The following REEP1 variants were observed in gnomAD, a reference collection of about 807,000 sequenced individuals.
REEP1 encodes receptor accessory protein 1.
In REEP1, 22 loss-of-function variants were observed where a neutral mutation model predicts 40.3. That is an observed-to-expected ratio of 0.55 (90% CI 0.39 to 0.78). The LOEUF is 0.78. Ranked by LOEUF, REEP1 falls within the 30% of genes least tolerant of loss-of-function variation. REEP1 has a pLI of 0.00. For missense variants in REEP1, 280 were observed against 361.1 expected, an observed-to-expected ratio of 0.78 and a Z score of 1.82; for synonymous variants, 116 against 139.2, an observed-to-expected ratio of 0.83 and a Z score of 1.17.
chr2:86,320,590 T>G (rs1230328109), intron 1 of REEP1, among the ~76,000 whole-genome samples: 2 of 152,150 alleles, frequency 1.3e-5, no homozygotes, highest in Non-Finnish European at 2.9e-5. Flanking sequence ...AACATAAATA[T>G]GTTTAATATG....
At chr2:86,256,974 ACGC>A (rs1322228843) in intron 3 of REEP1, among the ~76,000 whole-genome samples, 2 of 151,958 alleles carry the variant, frequency 1.3e-5, no homozygotes, top group African/African-American at 4.8e-5. Context: ...AGCCTTACCC[ACGC>A]CTCCTTTCCT....
Position 86,311,035 on chromosome 2 carries a change from C to G in REEP1, c.32+26444G>C, listed in dbSNP as rs530263153. 1.4e-4 allele frequency among the ~76,000 whole-genome samples: 21 copies of G among 152,218 alleles called. No homozygotes were observed. The South Asian group carries it at 1.7e-3, about 12-fold the overall frequency. ...CTAGGGAAGAAAAAGTAGATAGATACAGCTAAGGGAGGGAGGAGAGATGGC... is the reference window on the plus strand; with the variant it reads ...CTAGGGAAGAAAAAGTAGATAGATAGAGCTAAGGGAGGGAGGAGAGATGGC... On this transcript the variant is annotated intron_variant, in intron 1 of 8. Coordinates refer to ENST00000538924, the MANE Select transcript of REEP1 (RefSeq NM_001371279.1).
chr2:86,262,513 G>T (rs1676922546), intron 3 of REEP1, among the ~76,000 whole-genome samples: 1 of 152,260 alleles, frequency 6.6e-6, no homozygotes, highest in African/African-American at 2.4e-5. Flanking sequence ...TCTCTCAGTG[G>T]AGGTGAAAGC....
chr2:86,244,300 A>T (rs930417439), intron 5 of REEP1, among the ~76,000 whole-genome samples: 1 of 152,084 alleles, frequency 6.6e-6, no homozygotes, highest in African/African-American at 2.4e-5. Context: ...AGATAAGGAT[A>T]TGTGGGAGAG....
chr2:86,295,507 A>G (rs1307413675), intron 1 of REEP1, among the ~76,000 whole-genome samples: 1 of 152,236 alleles, frequency 6.6e-6, no homozygotes, highest in African/African-American at 2.4e-5. Flanking sequence ...AAGTTAAAAT[A>G]TAACAAACAG....
At chr2:86,311,854 C>T (rs1028131620) in intron 1 of REEP1, among the ~76,000 whole-genome samples, 6 of 152,184 alleles carry the variant, frequency 3.9e-5, no homozygotes, top group Non-Finnish European at 8.8e-5. Context: ...AGATCCCGTT[C>T]TACCATCCTG....
intron 2 of REEP1, among the ~76,000 whole-genome samples, chr2:86,280,624 C>T (rs1678030006): frequency 6.6e-6 from 1 of 152,178 alleles, no homozygotes; most frequent in Admixed American, 6.6e-5. Context: ...AGGTTCTGTG[C>T]TTGCAATTTA....
chr2:86,337,307 G>T lies in REEP1; in HGVS notation c.32+172C>A. 1 of 355,048 alleles carries T rather than the reference G, an allele frequency of 2.8e-6. No homozygotes were observed. The highest frequency in any genetic ancestry group is 4.7e-6 in the Non-Finnish European group (1 of 213,856). 22.0% of individuals were successfully genotyped at this position (355,048 alleles called of 1,614,324 possible). ...CTCCTGGGCAGCAGCCGCGTCCTGC[G>T]CCGCCCGTCCGCCCGCAGGCGTCCT... On this transcript the variant is annotated intron_variant, in intron 1 of 8. Coordinates refer to ENST00000538924, the MANE Select transcript of REEP1 (RefSeq NM_001371279.1). The surrounding 1 kb of genome is among the most constrained non-coding windows in gnomAD (Gnocchi z 5.8).
chr2:86,257,278 C>T (rs901629463), intron 3 of REEP1, among the ~76,000 whole-genome samples: 2 of 152,124 alleles, frequency 1.3e-5, no homozygotes, highest in Non-Finnish European at 2.9e-5. Flanking sequence ...CGCACTGCAG[C>T]TCTTTTATTT....
At chr2:86,285,933 G>A (rs72940149) in intron 1 of REEP1, among the ~76,000 whole-genome samples, 1 of 152,004 alleles carries the variant, frequency 6.6e-6, no homozygotes, top group Non-Finnish European at 1.5e-5. Context: ...GAAGGCTGGA[G>A]TGCCATCCTC....
intron 7 of REEP1, 137 bp from the exon 8 acceptor site, chr2:86,220,258 TGAGGAAGCACTG>T: frequency 2.1e-6 from 1 of 472,020 alleles, no homozygotes; most frequent in East Asian, 3.5e-5. Context: ...CCCCTCGGTC[TGAGGAAGCACTG>T]ATGTTTTGGG....
upstream of REEP1, chr2:86,337,970 T>C (rs1681131825): frequency 1.3e-5 from 18 of 1,432,662 alleles, no homozygotes; most frequent in East Asian, 4.5e-4. This position sits in a 1 kb window ranked among gnomAD's most constrained non-coding sequence, Gnocchi z 5.8. Context: ...CCTGTCTAGG[T>C]GGGATGCTGT....
chr2:86,319,092 CAG>C (rs1265777140), intron 1 of REEP1, among the ~76,000 whole-genome samples: 1 of 151,732 alleles, frequency 6.6e-6, no homozygotes, highest in Non-Finnish European at 1.5e-5. Flanking sequence ...CAGGGCTTGA[CAG>C]AGTGTCACGC....
chr2:86,219,465 T>C (rs1302166649), intron 8 of REEP1, among the ~76,000 whole-genome samples: 2 of 150,010 alleles, frequency 1.3e-5, no homozygotes, highest in Non-Finnish European at 1.5e-5. Flanking sequence ...TTTTTTTTTT[T>C]TTTGAGAAGG....
intron 1 of REEP1, among the ~76,000 whole-genome samples, chr2:86,324,963 G>A (rs967950390): frequency 6.6e-5 from 10 of 152,210 alleles, no homozygotes; most frequent in African/African-American, 2.4e-4. Flanking sequence ...CTGGCGATGA[G>A]TAAATGAGGG....
rs532904518 is a variant in REEP1, at chr2:86,214,061, C to T, written c.*2978G>A. The T allele has an allele frequency of 4.7e-5, 9 of 192,100 alleles. No homozygotes were observed. In the East Asian group the frequency reaches 1.3e-3, roughly 28 times the overall value. The allele number at this position is 192,100 out of a possible 1,614,324, so 11.9% of individuals were successfully genotyped here. A position where few individuals can be genotyped will look rare whatever the true frequency, so the allele number is the denominator to read the frequency against. On this transcript the variant is annotated 3_prime_UTR_variant, in exon 9 of 9. Transcript: ENST00000538924. The stretch of plus-strand genomic sequence containing the variant: ...CAGGCATTATAACAAAACAGCAGAA[C>T]TTCAACCTTTGGAATACTGTAATTT...
At position 86,232,729 on chromosome 2, in the gene REEP1, G is replaced by A. The variant is rs765696419; in HGVS notation, c.491C>T (p.Ala164Val). ...TGGTGGGGGGCCCGAGGGAGCAGGG[G>A]CGCCGTCTCCCCTGATGGTGGTGAG... ...QDLTTIRGDG[A>V]PAPSGPPPPG... The change falls in exon 6 of 9, where the codon GCC becomes GTC. Residue 164 changes from alanine to valine, a missense_variant. Ala to Val is a moderately conservative substitution (Grantham distance 64, BLOSUM62 0). Around this residue, in one of 3 missense-constraint regions of REEP1, gnomAD observed 201 missense variants for 238.5 expected, o/e 0.84. Transcript: ENST00000538924. 8.7e-6 allele frequency: 14 copies of A among 1,609,198 alleles called. No individual in the cohort carries two copies. The highest frequency in any genetic ancestry group is 1.2e-5 in the Non-Finnish European group (14 of 1,179,990).
intron 1 of REEP1, among the ~76,000 whole-genome samples, chr2:86,298,361 G>A (rs114530029): frequency 0.016 from 2,413 of 152,290 alleles, 51 homozygotes; most frequent in African/African-American, 0.052. Context: ...ATCCCAACAG[G>A]CTGGGTAATC....
intron 1 of REEP1, among the ~76,000 whole-genome samples, chr2:86,313,629 C>A (rs1199790316): frequency 7.9e-5 from 12 of 152,212 alleles, no homozygotes; most frequent in Non-Finnish European, 1.8e-4. Flanking sequence ...CCAGTTTGAG[C>A]CTCGGTTTCC....
Sources: allele counts gnomAD v4.1 joint callset (sites outside exome capture counted in the v4.1 genomes callset), GRCh38; gene constraint gnomAD v4.1.1; regional missense constraint gnomAD v4.1.1; non-coding constraint Gnocchi (gnomAD v3.1); transcripts MANE v1.5; gene names NCBI Gene and HGNC (gene_info 2026-07-23, HGNC 2026-07-21).